TTC1: variants seen among roughly 807,000 people sequenced by gnomAD.
TTC1 encodes tetratricopeptide repeat domain 1.
TTC1 carries 31 observed loss-of-function variants against 37.6 expected under a neutral mutation model. The observed-to-expected ratio is 0.82, with a 90% CI of 0.62 to 1.11. The LOEUF (loss-of-function observed/expected upper bound fraction) is 1.11, where lower values mean the gene tolerates loss of function less well. Ranked by LOEUF, TTC1 falls within the 50% of genes most tolerant of loss-of-function variation. TTC1 has a pLI of 0.00. For synonymous variants in TTC1, 127 were observed against 122.4 expected, an observed-to-expected ratio of 1.04 and a Z score of -0.25; for missense variants, 351 against 339.0, an observed-to-expected ratio of 1.04 and a Z score of -0.28.
chr5:160,039,380 T>C (rs1757049842), intron 4 of TTC1, among the ~76,000 whole-genome samples: 1 of 151,932 alleles, frequency 6.6e-6, no homozygotes. Context: ...TACATTTGTT[T>C]TGTCACTATA....
Position 160,048,275 on chromosome 5 carries a change from C to A in TTC1, c.542-1239C>A, listed in dbSNP as rs538152548. Among the ~76,000 whole-genome samples the A allele has an allele frequency of 2.2e-3, 335 of 151,642 alleles. 2 individuals carry two copies. The highest frequency in any genetic ancestry group is 7.6e-3 in the African/African-American group (312 of 41,310). ...CAAGTGATTCTTATGCCTAAACCAC[C>A]CAAATAGCTGGGATTATAGACCCAC... On this transcript the variant is annotated intron_variant, in intron 5 of 7. Coordinates refer to ENST00000231238, the MANE Select transcript of TTC1 (RefSeq NM_003314.3).
intron 2 of TTC1, among the ~76,000 whole-genome samples, chr5:160,020,962 G>T (rs1756693533): frequency 6.6e-6 from 1 of 152,176 alleles, no homozygotes; most frequent in Non-Finnish European, 1.5e-5. Flanking sequence ...GCAGTCCCTG[G>T]TGCCAAAAAG....
chr5:160,016,197 G>A (rs545238889), intron 2 of TTC1, among the ~76,000 whole-genome samples: 6 of 152,124 alleles, frequency 3.9e-5, no homozygotes, highest in Non-Finnish European at 8.8e-5. Flanking sequence ...GGCCAACATG[G>A]TGAAACCCCA....
Position 160,049,561 on chromosome 5 carries a change from G to C in TTC1, c.589G>C (p.Glu197Gln), listed in dbSNP as rs911608790. The C allele has an allele frequency of 6.2e-7, 1 of 1,610,142 alleles. No individual in the cohort carries two copies. Among genetic ancestry groups the C allele is most frequent in the Admixed American group, 1.7e-5 (1 of 59,276 alleles). ...SYIRAILRRA[E>Q]LYEKTDKLDE... ...TATCAGGGCAATATTGAGGAGAGCA[G>C]AGTTGTATGAGAAGACGGACAAGCT... The change falls in exon 6 of 8, where the codon GAG (glutamate) becomes CAG (glutamine). Residue 197 changes from glutamate to glutamine, a missense_variant. Physicochemically the swap from Glu to Gln is conservative, Grantham distance 29 (BLOSUM62 2). Coordinates refer to ENST00000231238, the MANE Select transcript of TTC1 (RefSeq NM_003314.3).
intron 2 of TTC1, among the ~76,000 whole-genome samples, chr5:160,017,713 G>A (rs1286026408): frequency 6.6e-6 from 1 of 152,144 alleles, no homozygotes; most frequent in Non-Finnish European, 1.5e-5. Context: ...ACATGCTGAG[G>A]CTTGAGGACC....
Position 160,028,621 on chromosome 5 carries a change from G to T in TTC1, c.331-6519G>T, listed in dbSNP as rs1408862256. Among the ~76,000 whole-genome samples the T allele has an allele frequency of 2.6e-5, 4 of 152,016 alleles. No homozygotes were observed. The East Asian group carries it at 7.7e-4, about 29-fold the overall frequency. On this transcript the variant is annotated intron_variant, in intron 2 of 7. Coordinates refer to ENST00000231238, the MANE Select transcript of TTC1 (RefSeq NM_003314.3). ...CCAGAGTAGCTGAAACCACAGGTGC[G>T]CACCACCACACATGGCTAATTTTTT...
chr5:160,014,493 G>A (rs189268207), intron 2 of TTC1, among the ~76,000 whole-genome samples: 1,751 of 150,536 alleles, frequency 0.012, 23 homozygotes, highest in African/African-American at 0.025. Context: ...GTGAGACCCT[G>A]TCTTTCCAAA....
intron 4 of TTC1, 48 bp downstream of exon 4, chr5:160,036,851 T>A (rs1757007129): frequency 2.3e-6 from 3 of 1,330,918 alleles, no homozygotes; most frequent in Non-Finnish European, 3.2e-6. Context: ...GGACTTGCAG[T>A]CTTTTCATAC....
chr5:160,032,702 CTTTTTTTTTTTT>C lies in TTC1; in HGVS notation c.331-2419_331-2408del, dbSNP rs70987990. Among the ~76,000 whole-genome samples, 23 of 74,712 alleles carry C rather than the reference CTTTTTTTTTTTT, an allele frequency of 3.1e-4. 1 individual carries two copies. The highest frequency in any genetic ancestry group is 1.6e-3 in the South Asian group (3 of 1,870). The allele number at this position is 74,712 out of a possible 152,430, so 49.0% of individuals were successfully genotyped here. A position where few individuals can be genotyped will look rare whatever the true frequency, so the allele number is the denominator to read the frequency against. ...AGCCTCCTTGAGTTCTACCTGCTTTCTTTTTTTTTTTTTTTTTTTTTTTTTTTTTTGAGACGG... is the reference window on the plus strand; with the variant it reads ...AGCCTCCTTGAGTTCTACCTGCTTTCTTTTTTTTTTTTTTTTTTGAGACGG... On this transcript the variant is annotated intron_variant, in intron 2 of 7. Coordinates refer to ENST00000231238, the MANE Select transcript of TTC1 (RefSeq NM_003314.3).
chr5:160,051,077 T>G (rs980106257), intron 6 of TTC1, 52 bp from the exon 7 acceptor site: 6 of 1,354,008 alleles, frequency 4.4e-6, no homozygotes, highest in Non-Finnish European at 4.9e-6. Context: ...AAGGGAAAGG[T>G]TTTGGTTTTT....
intron 7 of TTC1, among the ~76,000 whole-genome samples, chr5:160,059,949 C>G (rs559573632): frequency 6.6e-6 from 1 of 152,178 alleles, no homozygotes; most frequent in Non-Finnish European, 1.5e-5. Flanking sequence ...GTAAAAAACA[C>G]AATATCTGTA....
chr5:160,018,825 G>A (rs1258672667), intron 2 of TTC1, among the ~76,000 whole-genome samples: 1 of 152,210 alleles, frequency 6.6e-6, no homozygotes, highest in Non-Finnish European at 1.5e-5. Context: ...GTAGCCCAGT[G>A]AAGATGATAG....
At position 160,051,141 on chromosome 5, in the gene TTC1, CA is replaced by C. The variant is rs1476262763; in HGVS notation, c.706del (p.Ile236LeufsTer8). 1 of 1,604,766 alleles carries C rather than the reference CA, an allele frequency of 6.2e-7. No individual in the cohort carries two copies. Among genetic ancestry groups the C allele is most frequent in the South Asian group, 1.1e-5 (1 of 90,306 alleles). ...CTCTTTTCCTCAGAGATTACCTAAG[CA>C]AATTGAAGAACGTAATGAAAGACTA... ...AREACMRLPK[Q>X]IEERNERLKE... On this transcript the variant is annotated frameshift_variant, in exon 7 of 8. Coordinates refer to ENST00000231238, the MANE Select transcript of TTC1 (RefSeq NM_003314.3). LOFTEE classifies it high-confidence loss of function.
At chr5:160,021,363 G>A (rs1035637695) in intron 2 of TTC1, among the ~76,000 whole-genome samples, 2 of 152,200 alleles carry the variant, frequency 1.3e-5, no homozygotes, top group Non-Finnish European at 2.9e-5. Flanking sequence ...CGGAAGAACT[G>A]AATAGGAGGT....
chr5:160,042,016 A>G (rs1034221620), intron 4 of TTC1, among the ~76,000 whole-genome samples: 1 of 151,776 alleles, frequency 6.6e-6, no homozygotes, highest in African/African-American at 2.4e-5. Context: ...TGCAATCTCC[A>G]CCTCCTGGTT....
chr5:160,064,483 T>G (rs1297580037), intron 7 of TTC1, among the ~76,000 whole-genome samples: 1 of 152,226 alleles, frequency 6.6e-6, no homozygotes, highest in Non-Finnish European at 1.5e-5. Flanking sequence ...TGAATTACAT[T>G]TAGCAGGTGG....
intron 3 of TTC1, 152 bp downstream of exon 3, chr5:160,035,352 T>G (rs1756984015): frequency 5.9e-6 from 3 of 510,706 alleles, no homozygotes; most frequent in Non-Finnish European, 9.8e-6. Flanking sequence ...ATTTTGAGTT[T>G]TTAACCAGGC....
chr5:160,020,157 G>T (rs985934499), intron 2 of TTC1, among the ~76,000 whole-genome samples: 4 of 152,122 alleles, frequency 2.6e-5, no homozygotes, highest in African/African-American at 4.8e-5. Context: ...TCGAACTCCT[G>T]ACCTCAAGTG....
chr5:160,036,977 A>C (rs543670184), intron 4 of TTC1, among the ~76,000 whole-genome samples, 174 bp downstream of exon 4: 1 of 152,350 alleles, frequency 6.6e-6, no homozygotes, highest in African/African-American at 2.4e-5. Context: ...AACTTGAGTC[A>C]GATTACTGTT....
Sources: allele counts gnomAD v4.1 joint callset (sites outside exome capture counted in the v4.1 genomes callset), GRCh38; gene constraint gnomAD v4.1.1; transcripts MANE v1.5; gene names NCBI Gene and HGNC (gene_info 2026-07-23, HGNC 2026-07-21).